Variants in PITPNC1 observed in about 807,000 individuals in gnomAD.
PITPNC1 encodes cytoplasmic phosphatidylinositol transfer protein 1.
PITPNC1 carries 18 observed loss-of-function variants against 44.7 expected under a neutral mutation model. The ratio of observed to expected loss-of-function variants is 0.40; its 90% CI spans 0.28 to 0.60. PITPNC1 has a LOEUF of 0.60. PITPNC1 is among the 20% of genes least tolerant of loss of function. PITPNC1 has a pLI of 0.39. For synonymous variants in PITPNC1, 141 were observed against 149.6 expected, an observed-to-expected ratio of 0.94 and a Z score of 0.42; for missense variants, 290 against 418.4, an observed-to-expected ratio of 0.69 and a Z score of 2.68.
chr17:67,469,253 C>T (rs1186704735), intron 1 of PITPNC1, among the ~76,000 whole-genome samples: 2 of 152,132 alleles, frequency 1.3e-5, no homozygotes, highest in East Asian at 1.9e-4. Context: ...TGAGAACTTC[C>T]TTTCCAAGTG....
chr17:67,436,793 TG>T (rs1475927595), intron 1 of PITPNC1, among the ~76,000 whole-genome samples: 3 of 151,874 alleles, frequency 2.0e-5, no homozygotes, highest in African/African-American at 7.3e-5. Flanking sequence ...TCTGGAAAGC[TG>T]GGTCATCTGT....
In PITPNC1 at chr17:67,678,730, G is replaced by T. The variant is rs148952580; in HGVS notation, c.682+3188G>T. On this transcript the variant is annotated intron_variant, in intron 8 of 8. Coordinates refer to ENST00000581322, the MANE Select transcript of PITPNC1 (RefSeq NM_012417.4). ...TTCAAAGTAATTCTGGGAACTGTGG[G>T]CCATATGTGCCACTGGTACCCAGGC... is the stretch of plus-strand genomic sequence containing the variant. Among the ~76,000 whole-genome samples, 22 of 152,318 alleles carry T rather than the reference G, an allele frequency of 1.4e-4. No homozygotes were observed. The East Asian group carries it at 4.2e-3, about 29-fold the overall frequency.
chr17:67,526,796 C>G (rs949600767), intron 1 of PITPNC1, among the ~76,000 whole-genome samples: 1 of 151,890 alleles, frequency 6.6e-6, no homozygotes, highest in African/African-American at 2.4e-5. Context: ...AAAGTTCAAA[C>G]TAGTGAAACT....
chr17:67,643,634 T>C (rs77926287), intron 6 of PITPNC1, among the ~76,000 whole-genome samples: 8,267 of 152,272 alleles, frequency 0.054, 262 homozygotes, highest in Middle Eastern at 0.088. Flanking sequence ...TCTGGGAGCC[T>C]CCCAGGCGGT....
chr17:67,659,950 G>A (rs1261998677), intron 6 of PITPNC1, among the ~76,000 whole-genome samples: 1 of 152,020 alleles, frequency 6.6e-6, no homozygotes, highest in African/African-American at 2.4e-5. Context: ...CGCAATCTCA[G>A]GTCACTGCAA....
intron 5 of PITPNC1, among the ~76,000 whole-genome samples, chr17:67,579,638 T>C (rs2041200422): frequency 6.8e-6 from 1 of 147,262 alleles, no homozygotes; most frequent in South Asian, 2.2e-4. Context: ...TTTTTTTTTT[T>C]TTTTCTGATT....
chr17:67,481,151 G>A (rs1046631411), intron 1 of PITPNC1, among the ~76,000 whole-genome samples: 9 of 152,266 alleles, frequency 5.9e-5, no homozygotes, highest in Admixed American at 1.3e-4. Context: ...AGGTTGCAGT[G>A]CGCTGAGATC....
intron 1 of PITPNC1, among the ~76,000 whole-genome samples, chr17:67,430,666 CA>C (rs1245546029): frequency 6.6e-6 from 1 of 150,426 alleles, no homozygotes; most frequent in African/African-American, 2.4e-5. Context: ...ACAACAACAA[CA>C]AAACAGCTGG....
Position 67,469,621 on chromosome 17 carries a change from G to C in PITPNC1, c.49-63181G>C, listed in dbSNP as rs937606267. Among the ~76,000 whole-genome samples the C allele has an allele frequency of 5.3e-5, 8 of 152,258 alleles. 1 individual carries two copies. The Middle Eastern group carries it at 0.01, about 194-fold the overall frequency. On this transcript the variant is annotated intron_variant, in intron 1 of 8. Coordinates refer to ENST00000581322, the MANE Select transcript of PITPNC1 (RefSeq NM_012417.4). ...CAGACCCGTGGGAGTTCAGGTGCGG[G>C]TCATCAGGGCCCTGCTGGCTACTCC... is the stretch of plus-strand genomic sequence containing the variant.
chr17:67,476,343 T>C (rs1232428103), intron 1 of PITPNC1, among the ~76,000 whole-genome samples: 1 of 152,110 alleles, frequency 6.6e-6, no homozygotes, highest in African/African-American at 2.4e-5. Context: ...TGCACCACCA[T>C]GCCCGGCTAA....
chr17:67,498,784 C>A (rs1000999611), intron 1 of PITPNC1, among the ~76,000 whole-genome samples: 1 of 151,680 alleles, frequency 6.6e-6, no homozygotes, highest in African/African-American at 2.4e-5. Flanking sequence ...ATTTGCATTT[C>A]CTTGATGATT....
chr17:67,500,936 C>T (rs1432714056), intron 1 of PITPNC1, among the ~76,000 whole-genome samples: 1 of 152,046 alleles, frequency 6.6e-6, no homozygotes, highest in Non-Finnish European at 1.5e-5. Flanking sequence ...GCAGTCCTCC[C>T]ATCTCTGCCT....
At chr17:67,427,654 C>T (rs1294254819) in intron 1 of PITPNC1, among the ~76,000 whole-genome samples, 1 of 152,212 alleles carries the variant, frequency 6.6e-6, no homozygotes, top group Non-Finnish European at 1.5e-5. Context: ...ACTGATTATT[C>T]TCACCAGGGC....
In PITPNC1 at chr17:67,622,982, C is replaced by T. The variant is rs570417005; in HGVS notation, c.367-9161C>T. On this transcript the variant is annotated intron_variant, in intron 5 of 8. Coordinates refer to ENST00000581322, the MANE Select transcript of PITPNC1 (RefSeq NM_012417.4). The stretch of plus-strand genomic sequence containing the variant: ...TCCACCAAACCAGTAGCCACTTTGC[C>T]GGTGCAGAGCATGAGCGGGACAACA... Among the ~76,000 whole-genome samples the T allele has an allele frequency of 5.3e-5, 8 of 152,120 alleles. No individual in the cohort carries two copies. In the East Asian group the frequency reaches 9.6e-4, roughly 18 times the overall value.
At chr17:67,452,738 G>A (rs928926106) in intron 1 of PITPNC1, among the ~76,000 whole-genome samples, 9 of 151,924 alleles carry the variant, frequency 5.9e-5, no homozygotes, top group Admixed American at 4.6e-4. Context: ...CACCCACCTC[G>A]GCCTCCCAAA....
At chr17:67,643,138 G>A (rs1488813175) in intron 6 of PITPNC1, among the ~76,000 whole-genome samples, 4 of 152,122 alleles carry the variant, frequency 2.6e-5, no homozygotes, top group Non-Finnish European at 4.4e-5. Flanking sequence ...AGTGGCTCAC[G>A]CCTGTAATCC....
chr17:67,532,461 G>A (rs1338427172), intron 1 of PITPNC1, among the ~76,000 whole-genome samples: 1 of 152,174 alleles, frequency 6.6e-6, no homozygotes, highest in Non-Finnish European at 1.5e-5. Flanking sequence ...AAACCAAGCA[G>A]GACTTTAGCT....
chr17:67,478,984 G>A (rs2039667882), intron 1 of PITPNC1, among the ~76,000 whole-genome samples: 1 of 151,916 alleles, frequency 6.6e-6, no homozygotes, highest in Non-Finnish European at 1.5e-5. Flanking sequence ...CCAGCACAGA[G>A]TGGAGAGGGC....
chr17:67,599,018 ATATATATATATATATATT>A (rs1481817386), intron 5 of PITPNC1, among the ~76,000 whole-genome samples: 14 of 35,946 alleles, frequency 3.9e-4, no homozygotes, highest in South Asian at 1.1e-3. Flanking sequence ...ATATATATAT[ATATATATATATATATATT>A]TTTTTTTTTT....
Sources: gnomAD v4.1 joint callset for allele counts (sites outside exome capture counted in the v4.1 genomes callset) on GRCh38, gnomAD v4.1.1 for gene constraint, MANE v1.5 for transcripts, NCBI Gene and HGNC (gene_info 2026-07-23, HGNC 2026-07-21) for gene names.